Variants in CLDN14 observed in about 807,000 individuals in gnomAD.
CLDN14 encodes the protein claudin-14.
Under a neutral mutation model 2.1 loss-of-function variants are expected in CLDN14, and 2 were observed. The observed-to-expected ratio is 0.96, with a 90% CI of 0.39 to 3.01. The LOEUF is 3.01. CLDN14 is among the 30% of genes most tolerant of loss of function. The pLI is 0.09. For synonymous variants in CLDN14, 136 were observed against 154.4 expected (o/e 0.88, Z 0.88); for missense variants, 298 against 328.0 (o/e 0.91, Z 0.71).
intron 2 of CLDN14, among the ~76,000 whole-genome samples, chr21:36,503,252 C>T (rs1460436566): frequency 6.6e-6 from 1 of 152,140 alleles, no homozygotes; most frequent in African/African-American, 2.4e-5. Context: ...CAGGGTTTCA[C>T]CATATTGGCC....
chr21:36,548,673 C>T (rs2087541549), intron 1 of CLDN14, among the ~76,000 whole-genome samples: 1 of 152,166 alleles, frequency 6.6e-6, no homozygotes, highest in East Asian at 1.9e-4. Context: ...CCCTCTCCCG[C>T]ATGGTCCCCA....
chr21:36,551,316 C>A lies in CLDN14; in HGVS notation c.-220+25095G>T, dbSNP rs536596258. Reference sequence around the variant, plus strand: ...CCCCAGTGAGATCTCCGAGCAGATGCACTGTTCCCTGCGGACAGGATTTAT... The same window carrying A: ...CCCCAGTGAGATCTCCGAGCAGATGAACTGTTCCCTGCGGACAGGATTTAT... On this transcript the variant is annotated intron_variant, in intron 1 of 2. Transcript: ENST00000342108. This position sits in a 1 kb window ranked among gnomAD's most constrained non-coding sequence, Gnocchi z 4.8. Among the ~76,000 whole-genome samples, 26 of 152,338 alleles carry A rather than the reference C, an allele frequency of 1.7e-4. No individual in the cohort carries two copies. Among genetic ancestry groups the A allele is most frequent in the Middle Eastern group, 3.4e-3 (1 of 294 alleles).
chr21:36,529,376 C>T (rs993328876), intron 1 of CLDN14, among the ~76,000 whole-genome samples: 3 of 152,102 alleles, frequency 2.0e-5, no homozygotes, highest in Non-Finnish European at 2.9e-5. Context: ...GCAACCTCCA[C>T]CTCCCGAGTT....
intron 1 of CLDN14, among the ~76,000 whole-genome samples, chr21:36,470,945 C>T (rs572676554): frequency 6.6e-6 from 1 of 152,362 alleles, no homozygotes; most frequent in Admixed American, 6.5e-5. Flanking sequence ...CACTGCACTC[C>T]AGCCTGAGTG....
intron 1 of CLDN14, among the ~76,000 whole-genome samples, chr21:36,472,837 G>A (rs2086727167): frequency 6.6e-6 from 1 of 152,006 alleles, no homozygotes; most frequent in Non-Finnish European, 1.5e-5. Context: ...TCATTGTGAG[G>A]GCACCCACCC....
intron 2 of CLDN14, among the ~76,000 whole-genome samples, chr21:36,485,638 C>T (rs972276146): frequency 4.6e-5 from 7 of 152,140 alleles, no homozygotes; most frequent in African/African-American, 7.2e-5. Flanking sequence ...AAATACAGAG[C>T]GAAAGCAAGG....
intron 1 of CLDN14, chr21:36,531,847 T>C (rs1157324006): frequency 6.6e-6 from 1 of 152,176 alleles, no homozygotes; most frequent in Non-Finnish European, 1.5e-5. Context: ...GGTTTGATAC[T>C]TCAAAGTCAA....
rs748110915 is a variant in CLDN14, at chr21:36,461,382, G to A, written c.314C>T (p.Thr105Met). The change falls in exon 2 of 2, where the codon ACG becomes ATG. Residue 105 changes from threonine to methionine, a missense_variant. Thr to Met is a moderately conservative substitution (Grantham distance 81). Coordinates refer to ENST00000399135, the MANE Select transcript of CLDN14 (RefSeq NM_001146079.2). Reference sequence around the variant, plus strand: ...GGCGGGTGTGCCCTTGGCGCAGCGCGTGCACTTCATCCCGATGACGGCGCA... The same window carrying A: ...GGCGGGTGTGCCCTTGGCGCAGCGCATGCACTTCATCCCGATGACGGCGCA... ...CACAVIGMKCTRCAKGTPAKT... is the reference protein window; with the variant it reads ...CACAVIGMKCMRCAKGTPAKT... 90 of 1,612,918 alleles carry A rather than the reference G, an allele frequency of 5.6e-5. No homozygotes were observed. The highest frequency in any genetic ancestry group is 6.2e-5 in the Non-Finnish European group (73 of 1,179,948).
At chr21:36,485,947 C>A (rs769174939) in intron 2 of CLDN14, 1 of 1,261,738 alleles carries the variant, frequency 7.9e-7, no homozygotes, top group Admixed American at 1.8e-5. Context: ...CCCATGCAGT[C>A]CCCTGAGCAG....
At chr21:36,496,248 C>T (rs2146468851) in intron 2 of CLDN14, among the ~76,000 whole-genome samples, 1 of 151,904 alleles carries the variant, frequency 6.6e-6, no homozygotes. Context: ...TCAGCCTGGG[C>T]AACATAGTGA....
rs1399675775 is a variant in CLDN14, at chr21:36,479,999, T to G, written c.-586A>C. On this transcript the variant is annotated 5_prime_UTR_variant, in exon 1 of 2. Coordinates refer to ENST00000399135, the MANE Select transcript of CLDN14 (RefSeq NM_001146079.2). ...CTGTGTCCTGGAACTGCCTGATTGT[T>G]GTAGATTACTAAAAATCCACAGCTC... 6.6e-6 allele frequency: 1 copy of G among 152,342 alleles called. No homozygotes were observed. Among genetic ancestry groups the G allele is most frequent in the East Asian group, 1.9e-4 (1 of 5,204 alleles). The allele number at this position is 152,342 out of a possible 1,614,324, so 9.4% of individuals were successfully genotyped here.
rs150218908 is a variant in CLDN14 at position 36,557,772 on chromosome 21, C to A, written c.-220+18639G>T. Among the ~76,000 whole-genome samples, 8 of 152,302 alleles carry A rather than the reference C, an allele frequency of 5.3e-5. No individual in the cohort carries two copies. In the East Asian group the frequency reaches 1.5e-3, roughly 29 times the overall value. On this transcript the variant is annotated intron_variant, in intron 1 of 2. Coordinates refer to the CLDN14 transcript ENST00000342108. ...CTGTGGGTTGTTTTCCTTGGCTATG[C>A]AGAAGATTTTTTAGTTTGATGTAAT...
chr21:36,518,913 C>A (rs903610151), intron 1 of CLDN14, among the ~76,000 whole-genome samples: 1 of 152,200 alleles, frequency 6.6e-6, no homozygotes, highest in Non-Finnish European at 1.5e-5. Context: ...CTAATGCAAC[C>A]TCCCCGCTAG....
At chr21:36,510,699 T>A (rs1030841004) in intron 1 of CLDN14, among the ~76,000 whole-genome samples, 2 of 152,236 alleles carry the variant, frequency 1.3e-5, no homozygotes, top group African/African-American at 4.8e-5. Context: ...AAACATTCTG[T>A]AATGAAAATT....
chr21:36,539,087 T>C (rs2087457093), intron 1 of CLDN14, among the ~76,000 whole-genome samples: 1 of 152,238 alleles, frequency 6.6e-6, no homozygotes, highest in African/African-American at 2.4e-5. Context: ...GAAGTCTCTG[T>C]TGTAACCCCC....
At chr21:36,572,697 G>A (rs1421693906) in intron 1 of CLDN14, among the ~76,000 whole-genome samples, 1 of 152,108 alleles carries the variant, frequency 6.6e-6, no homozygotes, top group Non-Finnish European at 1.5e-5. Context: ...CAAAATTGTG[G>A]GCTCTGGAGT....
chr21:36,533,736 A>G (rs1269686761), intron 1 of CLDN14, among the ~76,000 whole-genome samples: 1 of 152,186 alleles, frequency 6.6e-6, no homozygotes, highest in African/African-American at 2.4e-5. Context: ...AAACTAATGC[A>G]GGAACAGAAA....
At chr21:36,492,938 G>GAGTC (rs924231910) in intron 2 of CLDN14, among the ~76,000 whole-genome samples, 1 of 152,200 alleles carries the variant, frequency 6.6e-6, no homozygotes, top group African/African-American at 2.4e-5. Flanking sequence ...GAAGCTCTCT[G>GAGTC]AGTCCCCCTC....
chr21:36,522,645 A>C (rs1375904160), intron 1 of CLDN14, among the ~76,000 whole-genome samples: 1 of 152,242 alleles, frequency 6.6e-6, no homozygotes, highest in African/African-American at 2.4e-5. Context: ...CAGCGCAAGA[A>C]GATGCGGCTG....
Sources: allele counts gnomAD v4.1 joint callset (sites outside exome capture counted in the v4.1 genomes callset), GRCh38; gene constraint gnomAD v4.1.1; non-coding constraint Gnocchi (gnomAD v3.1); transcripts MANE v1.5; gene names NCBI Gene and HGNC (gene_info 2026-07-23, HGNC 2026-07-21).